The following CELF4 variants were observed in gnomAD, a reference collection of about 807,000 sequenced individuals.
CELF4 encodes the protein CUGBP Elav-like family member 4.
In CELF4, 18 loss-of-function variants were observed where a neutral mutation model predicts 59.9. That is an observed-to-expected ratio of 0.30 (90% CI 0.21 to 0.45). CELF4 has a LOEUF of 0.45. CELF4 is among the 20% of genes least tolerant of loss of function. The pLI is 1.00. For missense variants in CELF4, 456 were observed against 689.0 expected, an observed-to-expected ratio of 0.66 and a Z score of 3.79; for synonymous variants, 261 against 267.1, an observed-to-expected ratio of 0.98 and a Z score of 0.22.
At chr18:37,549,863 A>G (rs2099982587) in intron 1 of CELF4, among the ~76,000 whole-genome samples, 1 of 152,206 alleles carries the variant, frequency 6.6e-6, no homozygotes, top group Non-Finnish European at 1.5e-5. Context: ...AATGTGGTTG[A>G]TAGTATGTCC....
At chr18:37,261,296 C>T (rs1179101725) in intron 10 of CELF4, among the ~76,000 whole-genome samples, 4 of 151,808 alleles carry the variant, frequency 2.6e-5, no homozygotes, top group Non-Finnish European at 5.9e-5. Flanking sequence ...CTGACTGCTC[C>T]AGCCCATGCT....
intron 1 of CELF4, among the ~76,000 whole-genome samples, chr18:37,506,502 C>A (rs1180885093): frequency 6.6e-6 from 1 of 152,178 alleles, no homozygotes; most frequent in Non-Finnish European, 1.5e-5. Flanking sequence ...GAGGTGACTT[C>A]TCAAGACACA....
At chr18:37,363,286 G>A (rs1360761899) in intron 2 of CELF4, among the ~76,000 whole-genome samples, 1 of 152,088 alleles carries the variant, frequency 6.6e-6, no homozygotes, top group Non-Finnish European at 1.5e-5. Flanking sequence ...TCCCATCAAG[G>A]CAATATTTTC....
chr18:37,503,142 A>ATG (rs773377273), intron 1 of CELF4, among the ~76,000 whole-genome samples: 2 of 152,016 alleles, frequency 1.3e-5, no homozygotes, highest in African/African-American at 2.4e-5. Context: ...ACTTAAATGC[A>ATG]TGTGTGTGTG....
chr18:37,342,496 G>A (rs776300782), intron 2 of CELF4, among the ~76,000 whole-genome samples: 1 of 152,156 alleles, frequency 6.6e-6, no homozygotes, highest in Non-Finnish European at 1.5e-5. Flanking sequence ...GCCTCTGAGA[G>A]GCAGTGGAGG....
chr18:37,419,196 A>G (rs768141309), intron 2 of CELF4, among the ~76,000 whole-genome samples: 4 of 152,212 alleles, frequency 2.6e-5, no homozygotes, highest in Non-Finnish European at 5.9e-5. Flanking sequence ...ATTGTTATTC[A>G]ATATCGGTTT....
intron 2 of CELF4, among the ~76,000 whole-genome samples, chr18:37,378,383 C>A (rs559698028): frequency 3.6e-4 from 55 of 151,882 alleles, no homozygotes; most frequent in African/African-American, 1.2e-3. Flanking sequence ...ACAGAGAGGG[C>A]CATAGGGGTG....
At chr18:37,556,534 G>A (rs1232975567) in intron 1 of CELF4, among the ~76,000 whole-genome samples, 3 of 152,172 alleles carry the variant, frequency 2.0e-5, no homozygotes, top group African/African-American at 7.2e-5. Flanking sequence ...TTGTGCTTGT[G>A]TGTGTTTGTG....
intron 3 of CELF4, among the ~76,000 whole-genome samples, chr18:37,318,473 C>T (rs2096949336): frequency 6.6e-6 from 1 of 151,752 alleles, no homozygotes; most frequent in Non-Finnish European, 1.5e-5. Flanking sequence ...CCCTTCTCCC[C>T]AGAAGTATTT....
At chr18:37,303,196 C>T (rs531608449) in intron 3 of CELF4, among the ~76,000 whole-genome samples, 1 of 152,186 alleles carries the variant, frequency 6.6e-6, no homozygotes, top group South Asian at 2.1e-4. Flanking sequence ...AGAGCCGTGG[C>T]CCCTGGGAGG....
chr18:37,563,988 C>T (rs1328093964), intron 1 of CELF4, among the ~76,000 whole-genome samples: 1 of 152,160 alleles, frequency 6.6e-6, no homozygotes, highest in Non-Finnish European at 1.5e-5. Flanking sequence ...CGCTCTGCAC[C>T]TAATGTGCTG....
chr18:37,466,882 C>G (rs2099810399), intron 2 of CELF4, among the ~76,000 whole-genome samples: 1 of 152,136 alleles, frequency 6.6e-6, no homozygotes, highest in Non-Finnish European at 1.5e-5. Context: ...CTGGAAGGAG[C>G]TTGGGGCGGA....
At chr18:37,513,803 G>C (rs1343452826) in intron 1 of CELF4, among the ~76,000 whole-genome samples, 1 of 152,044 alleles carries the variant, frequency 6.6e-6, no homozygotes, top group East Asian at 1.9e-4. Flanking sequence ...CTCCTCTATG[G>C]AGCCTCCCTG....
At chr18:37,527,444 TGG>T (rs2099965168) in intron 1 of CELF4, among the ~76,000 whole-genome samples, 2 of 152,134 alleles carry the variant, frequency 1.3e-5, no homozygotes, top group African/African-American at 4.8e-5. Flanking sequence ...TCCAAGAAGT[TGG>T]GGTAATCAAG....
intron 8 of CELF4, among the ~76,000 whole-genome samples, chr18:37,268,376 T>C (rs1049308406): frequency 1.1e-4 from 16 of 152,220 alleles, no homozygotes; most frequent in African/African-American, 3.9e-4. Context: ...CTCTAAGCTC[T>C]ATAGAAGGAG....
At chr18:37,547,160 G>GGT (rs59169669) in intron 1 of CELF4, among the ~76,000 whole-genome samples, 96,513 of 144,184 alleles carry the variant, frequency 0.67, 32,213 homozygotes, top group East Asian at 0.83. Flanking sequence ...GTGTGTGTGT[G>GGT]GTGTGTGTGT....
At chr18:37,312,870 C>G (rs2096725962) in intron 3 of CELF4, among the ~76,000 whole-genome samples, 2 of 152,152 alleles carry the variant, frequency 1.3e-5, no homozygotes, top group African/African-American at 4.8e-5. Context: ...AAGGACATGG[C>G]TGTGGAAGGG....
intron 12 of CELF4, among the ~76,000 whole-genome samples, chr18:37,252,067 C>T (rs2065847067): frequency 6.6e-6 from 1 of 152,154 alleles, no homozygotes; most frequent in Non-Finnish European, 1.5e-5. Flanking sequence ...GTTGCTACTT[C>T]TGGGTGGAGG....
intron 1 of CELF4, among the ~76,000 whole-genome samples, chr18:37,487,457 C>A (rs2099883529): frequency 6.6e-6 from 1 of 152,212 alleles, no homozygotes; most frequent in African/African-American, 2.4e-5. Flanking sequence ...TGTCTCATGT[C>A]TCCCTTCCTC....
Sources: allele counts gnomAD v4.1 joint callset (sites outside exome capture counted in the v4.1 genomes callset), GRCh38; gene constraint gnomAD v4.1.1; transcripts MANE v1.5; gene names NCBI Gene and HGNC (gene_info 2026-07-23, HGNC 2026-07-21).